The following ZNF254 variants were observed in gnomAD, a reference collection of about 807,000 sequenced individuals.
ZNF254 encodes the protein zinc finger protein 254, also known as CTD-2017D11.1.
In ZNF254, 10 loss-of-function variants were observed where a neutral mutation model predicts 12.4. That is an observed-to-expected ratio of 0.80 (90% CI 0.50 to 1.36). The LOEUF is 1.36. Ranked by LOEUF, ZNF254 falls within the 40% of genes most tolerant of loss-of-function variation. The pLI, the probability that ZNF254 is intolerant of heterozygous loss-of-function variation, is 0.00. For missense variants in ZNF254, 996 were observed against 763.9 expected, an observed-to-expected ratio of 1.30 and a Z score of -3.58; for synonymous variants, 305 against 253.4, an observed-to-expected ratio of 1.20 and a Z score of -1.93.
chr19:24,080,717 G>C (rs1418953685), intron 2 of ZNF254: 3 of 150,586 alleles, frequency 2.0e-5, no homozygotes, highest in Non-Finnish European at 4.4e-5. Flanking sequence ...GAGAGGCGGA[G>C]GTTGCAGTGA....
intron 3 of ZNF254, 140 bp from the exon 4 acceptor site, chr19:24,126,114 A>G (rs1031487703): frequency 1.8e-5 from 9 of 504,144 alleles, no homozygotes; most frequent in Non-Finnish European, 2.6e-5. Context: ...ATTTATGTCT[A>G]TGAAAGAATT....
At chr19:24,060,620 CA>C (rs1294962871) in intron 2 of ZNF254, among the ~76,000 whole-genome samples, 1 of 151,944 alleles carries the variant, frequency 6.6e-6, no homozygotes, top group African/African-American at 2.4e-5. Context: ...TCCATGCACA[CA>C]AAAAAGAGAG....
chr19:24,053,726 GAA>G, intron 2 of ZNF254, among the ~76,000 whole-genome samples: 1 of 152,268 alleles, frequency 6.6e-6, no homozygotes, highest in East Asian at 1.9e-4. Context: ...TCGATGATGT[GAA>G]TCTCCTGCAT....
intron 2 of ZNF254, chr19:24,065,703 T>G (rs1971245739): frequency 6.6e-6 from 1 of 152,220 alleles, no homozygotes. Context: ...ACTCTCCCTT[T>G]TTTTGTGGGA....
At chr19:24,065,832 A>G (rs1280447310) in intron 2 of ZNF254, 1 of 152,172 alleles carries the variant, frequency 6.6e-6, no homozygotes, top group Non-Finnish European at 1.5e-5. Flanking sequence ...ATTGTTAAAT[A>G]TTGTTGGGTT....
At chr19:24,074,036 G>A (rs1166133016) in intron 2 of ZNF254, among the ~76,000 whole-genome samples, 1 of 152,170 alleles carries the variant, frequency 6.6e-6, no homozygotes, top group Non-Finnish European at 1.5e-5. Context: ...CTGCCCACAG[G>A]GAGGCATTGA....
chr19:24,063,781 C>CTTTTTTT (rs35652625), intron 2 of ZNF254: 2 of 140,556 alleles, frequency 1.4e-5, no homozygotes, highest in Non-Finnish European at 1.5e-5. Context: ...GGTGATGTTA[C>CTTTTTTT]TTTTTTTTTT....
At chr19:24,042,297 A>C (rs527944929) in intron 1 of ZNF254, among the ~76,000 whole-genome samples, 1 of 152,284 alleles carries the variant, frequency 6.6e-6, no homozygotes, top group East Asian at 1.9e-4. Context: ...CAGCGCCCTG[A>C]CAAAACAGGC....
At chr19:24,058,794 C>T (rs1199710642) in intron 2 of ZNF254, among the ~76,000 whole-genome samples, 1 of 152,176 alleles carries the variant, frequency 6.6e-6, no homozygotes, top group Non-Finnish European at 1.5e-5. Context: ...ATTATGTTAA[C>T]TCTCCTCTGC....
intron 3 of ZNF254, among the ~76,000 whole-genome samples, chr19:24,121,471 C>A (rs1974478243): frequency 6.6e-6 from 1 of 152,116 alleles, no homozygotes; most frequent in Admixed American, 6.5e-5. Flanking sequence ...ATTTAAGACC[C>A]TGTGGAGCAA....
intron 1 of ZNF254, among the ~76,000 whole-genome samples, chr19:24,044,553 T>A (rs891365089): frequency 2.5e-4 from 37 of 150,902 alleles, no homozygotes; most frequent in South Asian, 1.0e-3. Context: ...AAAAAATAAA[T>A]AAATAAATAC....
intron 3 of ZNF254, among the ~76,000 whole-genome samples, chr19:24,118,706 G>A (rs1974276228): frequency 6.6e-6 from 1 of 152,048 alleles, no homozygotes; most frequent in African/African-American, 2.4e-5. Flanking sequence ...TGGAAGTGTA[G>A]TATAGTTAAA....
chr19:24,051,363 T>C (rs1434155571), intron 2 of ZNF254, among the ~76,000 whole-genome samples: 1 of 152,062 alleles, frequency 6.6e-6, no homozygotes, highest in African/African-American at 2.4e-5. Context: ...TTTCACCATG[T>C]TGGCCAGGCT....
chr19:24,041,263 G>T (rs1970142430), intron 1 of ZNF254, among the ~76,000 whole-genome samples: 1 of 152,234 alleles, frequency 6.6e-6, no homozygotes, highest in Non-Finnish European at 1.5e-5. Context: ...GCCCCTTTCT[G>T]GGCTGGCCAA....
rs565002929 is a variant in ZNF254, at chr19:24,074,220, G to A, written c.-94+27941G>A. Among the ~76,000 whole-genome samples the A allele has an allele frequency of 9.9e-4, 145 of 146,432 alleles. 1 individual carries two copies. The highest frequency in any genetic ancestry group is 3.4e-3 in the African/African-American group (140 of 41,138). ...TCTCTGTACCAATCACCAAGGTAAT[G>A]TGACTCTCTTATTCTACCAGGTCCC... is the stretch of plus-strand genomic sequence containing the variant. On this transcript the variant is annotated intron_variant, in intron 2 of 4. Coordinates refer to the ZNF254 transcript ENST00000613065.
At chr19:24,066,886 T>C (rs1334687168) in intron 2 of ZNF254, 2 of 151,692 alleles carry the variant, frequency 1.3e-5, no homozygotes, top group Non-Finnish European at 2.9e-5. Flanking sequence ...GGCAACAGAG[T>C]GAGACTCCAT....
At chr19:24,099,825 G>A (rs1008807951) in intron 1 of ZNF254, among the ~76,000 whole-genome samples, 1 of 152,152 alleles carries the variant, frequency 6.6e-6, no homozygotes, top group Non-Finnish European at 1.5e-5. Context: ...ATTTAAGTGT[G>A]TAATGAAACA....
At chr19:24,039,486 G>A (rs947683319) in intron 1 of ZNF254, among the ~76,000 whole-genome samples, 4 of 152,028 alleles carry the variant, frequency 2.6e-5, no homozygotes, top group African/African-American at 4.8e-5. Context: ...GTGCAGTGGC[G>A]TGACCTTGGC....
At chr19:24,115,984 T>G (rs979605240) in intron 3 of ZNF254, among the ~76,000 whole-genome samples, 2 of 152,140 alleles carry the variant, frequency 1.3e-5, no homozygotes, top group East Asian at 1.9e-4. Flanking sequence ...TGAAATTCTG[T>G]GTTGAAAATT....
Sources: gnomAD v4.1 joint callset for allele counts (sites outside exome capture counted in the v4.1 genomes callset) on GRCh38, gnomAD v4.1.1 for gene constraint, MANE v1.5 for transcripts, NCBI Gene and HGNC (gene_info 2026-07-23, HGNC 2026-07-21) for gene names.